The following FOXN3 variants were observed in gnomAD, a reference collection of about 807,000 sequenced individuals.
The protein encoded by FOXN3 is forkhead box protein N3.
In FOXN3, 7 loss-of-function variants were observed where a neutral mutation model predicts 38.4. The ratio of observed to expected loss-of-function variants is 0.18; its 90% confidence interval spans 0.10 to 0.34. The LOEUF is 0.34. Ranked by LOEUF, FOXN3 falls within the 10% of genes least tolerant of loss-of-function variation. The probability of loss-of-function intolerance (pLI) is 1.00; values close to 1 mark genes in which losing one functional copy is unlikely to be tolerated. For synonymous variants in FOXN3, 230 were observed against 242.2 expected (o/e 0.95, Z 0.47); for missense variants, 456 against 613.4 (o/e 0.74, Z 2.71).
chr14:89,514,856 G>T (rs529753128), intron 1 of FOXN3, among the ~76,000 whole-genome samples: 1 of 151,830 alleles, frequency 6.6e-6, no homozygotes, highest in African/African-American at 2.4e-5. Flanking sequence ...TAAATTGATC[G>T]CCATCTGTGT....
chr14:89,415,846 CTA>C (rs1891687335), intron 1 of FOXN3, among the ~76,000 whole-genome samples: 1 of 47,498 alleles, frequency 2.1e-5, no homozygotes, highest in Non-Finnish European at 4.0e-5. Flanking sequence ...CAACTTTTCT[CTA>C]CACACACACA....
chr14:89,539,945 C>G (rs1317419482), intron 1 of FOXN3, among the ~76,000 whole-genome samples: 3 of 152,214 alleles, frequency 2.0e-5, no homozygotes, highest in Non-Finnish European at 4.4e-5. Context: ...GAACACTCAT[C>G]TCAAGCCAGA....
At chr14:89,213,629 T>G (rs937795519) in intron 4 of FOXN3, among the ~76,000 whole-genome samples, 6 of 152,220 alleles carry the variant, frequency 3.9e-5, no homozygotes, top group Non-Finnish European at 7.3e-5. Flanking sequence ...AATATACAGA[T>G]AAGTAAAACT....
rs145741935 is a variant in FOXN3, at chr14:89,549,430, C to T, written c.-15+69598G>A. Among the ~76,000 whole-genome samples the T allele has an allele frequency of 2.9e-3, 442 of 152,252 alleles. 5 individuals carry two copies. Among genetic ancestry groups the T allele is most frequent in the African/African-American group, 9.8e-3 (409 of 41,544 alleles). On this transcript the variant is annotated intron_variant, in intron 1 of 6. Transcript: ENST00000345097. ...AAGGCTCCTCTTAGCCTTCAACAATCCCAATTACAACGACATTCGAAAACA... is the reference window on the plus strand; with the variant it reads ...AAGGCTCCTCTTAGCCTTCAACAATTCCAATTACAACGACATTCGAAAACA...
At position 89,158,701 on chromosome 14, in the gene FOXN3, A is replaced by G. The variant is rs536016866; in HGVS notation, c.*3713T>C. Reference sequence around the variant, plus strand: ...AAAAGACAATTATAATAGGATAAAAATAACTGTTTATATGTATATCATTTA... The same window carrying G: ...AAAAGACAATTATAATAGGATAAAAGTAACTGTTTATATGTATATCATTTA... On this transcript the variant is annotated 3_prime_UTR_variant, in exon 6 of 6. Transcript: ENST00000557258. The G allele has an allele frequency of 6.6e-6, 1 of 152,646 alleles. No homozygotes were observed. The highest frequency in any genetic ancestry group is 2.4e-5 in the African/African-American group (1 of 41,444). The allele number at this position is 152,646 out of a possible 1,614,324, so 9.5% of individuals were successfully genotyped here.
At chr14:89,585,407 G>A (rs1230752036) in intron 1 of FOXN3, among the ~76,000 whole-genome samples, 4 of 152,142 alleles carry the variant, frequency 2.6e-5, no homozygotes, top group Non-Finnish European at 4.4e-5. Context: ...TTTTTAATAA[G>A]AAAAGTAAAT....
At chr14:89,282,592 T>A (rs1411336713) in intron 3 of FOXN3, among the ~76,000 whole-genome samples, 3 of 152,238 alleles carry the variant, frequency 2.0e-5, no homozygotes, top group African/African-American at 7.2e-5. Flanking sequence ...CCATCTAATT[T>A]TTATAACAAA....
At chr14:89,458,989 C>G (rs1346660517) in intron 1 of FOXN3, among the ~76,000 whole-genome samples, 1 of 152,220 alleles carries the variant, frequency 6.6e-6, no homozygotes, top group Non-Finnish European at 1.5e-5. Flanking sequence ...TAATTCCCTA[C>G]TGCTCACCCC....
intron 1 of FOXN3, among the ~76,000 whole-genome samples, chr14:89,461,527 G>A (rs80338605): frequency 2.1e-3 from 319 of 152,220 alleles, no homozygotes; most frequent in African/African-American, 7.3e-3. Context: ...ATACACTAAT[G>A]AACTAACAAA....
chr14:89,305,673 C>A (rs1347465757), intron 3 of FOXN3, among the ~76,000 whole-genome samples: 1 of 152,130 alleles, frequency 6.6e-6, no homozygotes, highest in Non-Finnish European at 1.5e-5. Flanking sequence ...TCAGGAAGAC[C>A]CACTGCTAAA....
chr14:89,410,333 G>T (rs1891511431), intron 2 of FOXN3, among the ~76,000 whole-genome samples: 1 of 152,146 alleles, frequency 6.6e-6, no homozygotes, highest in South Asian at 2.1e-4. Flanking sequence ...CACAACAGTG[G>T]TCCTGCGCCC....
At chr14:89,444,919 A>G (rs1350293198) in intron 1 of FOXN3, among the ~76,000 whole-genome samples, 1 of 151,962 alleles carries the variant, frequency 6.6e-6, no homozygotes. Context: ...CCAGGAGTTC[A>G]AGACCAGCCT....
chr14:89,186,736 A>C (rs73321232), intron 4 of FOXN3, among the ~76,000 whole-genome samples: 8,065 of 152,304 alleles, frequency 0.053, 364 homozygotes, highest in African/African-American at 0.12. Flanking sequence ...TGTCACATGC[A>C]CAGCGGATGC....
intron 3 of FOXN3, among the ~76,000 whole-genome samples, chr14:89,315,653 G>A (rs776536126): frequency 2.6e-5 from 4 of 152,198 alleles, no homozygotes; most frequent in Non-Finnish European, 5.9e-5. Context: ...AGGGCAGGCT[G>A]AGAAAACTGC....
chr14:89,427,301 C>CTTTTTTTTTT (rs34755821), intron 1 of FOXN3, among the ~76,000 whole-genome samples: 1 of 67,742 alleles, frequency 1.5e-5, no homozygotes, highest in African/African-American at 6.0e-5. Context: ...GAAAAGGGGA[C>CTTTTTTTTTT]TTTTTTTTTT....
intron 1 of FOXN3, among the ~76,000 whole-genome samples, chr14:89,459,545 T>C (rs571369796): frequency 2.0e-5 from 3 of 152,270 alleles, no homozygotes; most frequent in Admixed American, 1.3e-4. Flanking sequence ...GAGATTAGAA[T>C]ACACCACTCA....
intron 3 of FOXN3, among the ~76,000 whole-genome samples, chr14:89,332,298 A>G (rs562227202): frequency 1.3e-3 from 205 of 152,322 alleles, no homozygotes; most frequent in Non-Finnish European, 2.5e-3. Context: ...AGGGTCAGGA[A>G]AATTATATAC....
chr14:89,282,273 C>A (rs1336319944), intron 3 of FOXN3, among the ~76,000 whole-genome samples: 1 of 99,786 alleles, frequency 1.0e-5, no homozygotes, highest in Non-Finnish European at 2.5e-5. Flanking sequence ...TGTTAATGAA[C>A]CTTTTGTTTT....
chr14:89,604,992 G>A (rs975211264), intron 1 of FOXN3, among the ~76,000 whole-genome samples: 11 of 148,060 alleles, frequency 7.4e-5, no homozygotes, highest in African/African-American at 2.8e-4. Context: ...TTTTTCCAGT[G>A]AACAATAGCT....
Sources: allele counts gnomAD v4.1 joint callset (sites outside exome capture counted in the v4.1 genomes callset), GRCh38; gene constraint gnomAD v4.1.1; transcripts MANE v1.5; gene names NCBI Gene and HGNC (gene_info 2026-07-23, HGNC 2026-07-21).